SLC22A23: variants seen among roughly 807,000 people sequenced by gnomAD.
SLC22A23 encodes the protein ion transporter protein.
A neutral mutation model predicts 61.0 loss-of-function variants in SLC22A23; 26 were observed. The ratio of observed to expected loss-of-function variants is 0.43; its 90% CI spans 0.31 to 0.59. SLC22A23 has a LOEUF of 0.59. SLC22A23 is among the 20% of genes least tolerant of loss of function. The pLI is 0.11. For missense variants in SLC22A23, 796 were observed against 934.7 expected (o/e 0.85, Z 1.94); for synonymous variants, 430 against 413.9 (o/e 1.04, Z -0.47).
Position 3,286,714 on chromosome 6 carries a change from A to C in SLC22A23, c.1546+145T>G, listed in dbSNP as rs1170593799. On this transcript the variant is annotated intron_variant, in intron 7 of 9. Transcript: ENST00000406686. This position sits in a 1 kb window ranked among gnomAD's most constrained non-coding sequence, Gnocchi z 4.2. The stretch of plus-strand genomic sequence containing the variant: ...AAGGCGGGCTCCACAGATGCTCTCA[A>C]CTGAAGCTCTGTTCTCCCCAAAGCA... 3.9e-6 allele frequency: 3 copies of C among 760,650 alleles called. No individual in the cohort carries two copies. The highest frequency in any genetic ancestry group is 6.3e-6 in the Non-Finnish European group (3 of 474,232). 47.1% of individuals were successfully genotyped at this position (760,650 alleles called of 1,614,324 possible). A position where few individuals can be genotyped will look rare whatever the true frequency, so the allele number is the denominator to read the frequency against.
intron 1 of SLC22A23, among the ~76,000 whole-genome samples, chr6:3,437,745 ATT>A (rs66470069): frequency 0.025 from 2,871 of 114,324 alleles, 69 homozygotes; most frequent in African/African-American, 0.076. Context: ...AACTTACTAG[ATT>A]TTTTTTTTTT....
At chr6:3,396,706 C>G (rs950923166) in intron 3 of SLC22A23, among the ~76,000 whole-genome samples, 3 of 152,236 alleles carry the variant, frequency 2.0e-5, no homozygotes, top group African/African-American at 7.2e-5. Context: ...AGCAGGCTGG[C>G]AGGCCATCGA....
At chr6:3,295,640 T>A (rs1761025419) in intron 5 of SLC22A23, among the ~76,000 whole-genome samples, 1 of 151,916 alleles carries the variant, frequency 6.6e-6, no homozygotes, top group Non-Finnish European at 1.5e-5. Context: ...GATGGGGTGA[T>A]GGGAGGAAGA....
intron 1 of SLC22A23, among the ~76,000 whole-genome samples, chr6:3,430,370 A>C: frequency 1.3e-5 from 2 of 151,724 alleles, no homozygotes; most frequent in African/African-American, 2.4e-5. Context: ...TCAGTCACCA[A>C]CCCCCTTGAC....
At chr6:3,325,707 G>A (rs1763240198) in intron 3 of SLC22A23, among the ~76,000 whole-genome samples, 1 of 152,196 alleles carries the variant, frequency 6.6e-6, no homozygotes, top group African/African-American at 2.4e-5. Flanking sequence ...ACTAACAGTT[G>A]TAGGTCTTGT....
intron 1 of SLC22A23, among the ~76,000 whole-genome samples, chr6:3,443,440 T>C (rs1771720385): frequency 6.6e-6 from 1 of 152,136 alleles, no homozygotes; most frequent in African/African-American, 2.4e-5. Context: ...AAGGCCATGT[T>C]TAATTATTCC....
intron 4 of SLC22A23, among the ~76,000 whole-genome samples, chr6:3,320,858 A>G (rs1249036476): frequency 2.0e-5 from 3 of 152,338 alleles, no homozygotes; most frequent in Non-Finnish European, 2.9e-5. Context: ...TTTAATATTC[A>G]TGAGTACTTA....
intron 3 of SLC22A23, among the ~76,000 whole-genome samples, chr6:3,371,663 A>G (rs568963505): frequency 6.6e-6 from 1 of 152,186 alleles, no homozygotes; most frequent in Non-Finnish European, 1.5e-5. Context: ...GGTTCTAAGA[A>G]TTAGATACTG....
chr6:3,293,843 C>G (rs1035064693), intron 5 of SLC22A23, among the ~76,000 whole-genome samples: 6 of 152,210 alleles, frequency 3.9e-5, no homozygotes, highest in African/African-American at 1.4e-4. Flanking sequence ...AAAACCCAAG[C>G]TCTGTCATTG....
At chr6:3,435,839 G>C (rs1320841102) in intron 1 of SLC22A23, among the ~76,000 whole-genome samples, 3 of 152,124 alleles carry the variant, frequency 2.0e-5, no homozygotes. Flanking sequence ...CTAATCCAAG[G>C]TGACTGGTGT....
intron 1 of SLC22A23, among the ~76,000 whole-genome samples, chr6:3,417,642 C>G (rs1208431348): frequency 6.6e-6 from 1 of 152,226 alleles, no homozygotes; most frequent in East Asian, 1.9e-4. Flanking sequence ...TGAATGAAGA[C>G]TCCTGCAGGT....
chr6:3,412,306 G>C (rs114760780), intron 2 of SLC22A23, among the ~76,000 whole-genome samples: 4,361 of 152,302 alleles, frequency 0.029, 92 homozygotes, highest in Middle Eastern at 0.048. Flanking sequence ...TGAAGTCAGA[G>C]TGTGTTGGTT....
At chr6:3,310,903 C>A (rs1278591983) in intron 4 of SLC22A23, among the ~76,000 whole-genome samples, 2 of 152,278 alleles carry the variant, frequency 1.3e-5, no homozygotes, top group East Asian at 3.9e-4. Flanking sequence ...AGATGAACTG[C>A]CCATGCTTAT....
At chr6:3,452,279 C>T (rs1458638782) in intron 1 of SLC22A23, among the ~76,000 whole-genome samples, 1 of 152,174 alleles carries the variant, frequency 6.6e-6, no homozygotes, top group Non-Finnish European at 1.5e-5. Flanking sequence ...TGTGTGTTCA[C>T]TGACTTAAAA....
intron 1 of SLC22A23, among the ~76,000 whole-genome samples, chr6:3,424,359 G>T (rs1770341047): frequency 6.6e-6 from 1 of 152,120 alleles, no homozygotes; most frequent in Non-Finnish European, 1.5e-5. Context: ...AAAATGATTT[G>T]ACATTGTATG....
At chr6:3,453,167 C>T (rs949492688) in intron 1 of SLC22A23, among the ~76,000 whole-genome samples, 3 of 151,858 alleles carry the variant, frequency 2.0e-5, no homozygotes, top group African/African-American at 7.3e-5. Flanking sequence ...AATTTTTGCA[C>T]GTATGGAATA....
chr6:3,334,521 AAG>A (rs1763747287), intron 3 of SLC22A23, among the ~76,000 whole-genome samples: 1 of 152,170 alleles, frequency 6.6e-6, no homozygotes, highest in South Asian at 2.1e-4. Context: ...AATGAAAAAA[AAG>A]AGTTCTTCCA....
At chr6:3,361,890 C>T (rs1011932163) in intron 3 of SLC22A23, among the ~76,000 whole-genome samples, 11 of 152,144 alleles carry the variant, frequency 7.2e-5, no homozygotes, top group Non-Finnish European at 2.9e-5. Flanking sequence ...GTCCCTACCC[C>T]GAGGGATTTA....
At chr6:3,279,451 C>T (rs1678318317) in intron 9 of SLC22A23, among the ~76,000 whole-genome samples, 1 of 129,884 alleles carries the variant, frequency 7.7e-6, no homozygotes. Flanking sequence ...TTGGAGGTTG[C>T]AGTGAGCCGA....
Sources: gnomAD v4.1 joint callset for allele counts (sites outside exome capture counted in the v4.1 genomes callset) on GRCh38, gnomAD v4.1.1 for gene constraint, Gnocchi (gnomAD v3.1) non-coding constraint, MANE v1.5 for transcripts, NCBI Gene and HGNC (gene_info 2026-07-23, HGNC 2026-07-21) for gene names.